FANCD2: variants seen among roughly 807,000 people sequenced by gnomAD.
FANCD2 encodes the protein Fanconi anemia group D2 protein.
A neutral mutation model predicts 192.3 loss-of-function variants in FANCD2; 131 were observed. That is an observed-to-expected ratio of 0.68 (90% confidence interval 0.59 to 0.79). FANCD2 has a LOEUF of 0.79. FANCD2 is among the 30% of genes least tolerant of loss of function. The probability of loss-of-function intolerance (pLI) is 0.00; values close to 1 mark genes in which losing one functional copy is unlikely to be tolerated. For missense variants in FANCD2, 1,508 were observed against 1,701.6 expected, an observed-to-expected ratio of 0.89 and a Z score of 2.00; for synonymous variants, 524 against 612.5, an observed-to-expected ratio of 0.86 and a Z score of 2.13.
At position 10,062,182 on chromosome 3, in the gene FANCD2, G is replaced by A. The variant is rs746069930; in HGVS notation, c.1798G>A (p.Ala600Thr). ...SESPSLTQER[A>T]NLSDEQCTQV... ...ATCACCTAGTTTGACCCAAGAGAGA[G>A]CCAACCTGAGCGATGAGCAGTGCAC... Residue 600 changes from alanine to threonine, a missense_variant, in exon 20 of 44, where the codon GCC (alanine) becomes ACC (threonine). By Grantham distance (58) the Ala-to-Thr change is moderately conservative. Transcript: ENST00000675286. 1 of 1,612,774 alleles carries A rather than the reference G, an allele frequency of 6.2e-7. No individual in the cohort carries two copies. The highest frequency in any genetic ancestry group is 8.5e-7 in the Non-Finnish European group (1 of 1,179,612).
chr3:10,035,998 T>C (rs942139872), intron 6 of FANCD2, among the ~76,000 whole-genome samples: 3 of 152,146 alleles, frequency 2.0e-5, no homozygotes, highest in Non-Finnish European at 2.9e-5. Context: ...AATGAAGACA[T>C]ATTCGTGTGG....
chr3:10,080,139 T>TCTTGACCTCATGATCC (rs1399096837), intron 30 of FANCD2, among the ~76,000 whole-genome samples: 3 of 152,104 alleles, frequency 2.0e-5, no homozygotes, highest in Non-Finnish European at 2.9e-5. Context: ...TGTCTTGATC[T>TCTTGACCTCATGATCC]CTTGACCTCA....
chr3:10,047,101 G>A (rs2125001533), intron 15 of FANCD2, among the ~76,000 whole-genome samples: 1 of 152,418 alleles, frequency 6.6e-6, no homozygotes, highest in East Asian at 1.9e-4. Flanking sequence ...TGTTTTGCCA[G>A]CTGAACGTTC....
At chr3:10,043,949 T>C in intron 14 of FANCD2, 85 bp downstream of exon 14, 1 of 1,137,210 alleles carries the variant, frequency 8.8e-7, no homozygotes, top group South Asian at 1.3e-5. Context: ...TGTCTTTCTT[T>C]CTCCCCCCTC....
chr3:10,092,030 C>T (rs542712397), intron 37 of FANCD2, 151 bp from the exon 38 acceptor site: 12 of 770,146 alleles, frequency 1.6e-5, no homozygotes, highest in South Asian at 1.2e-4. Flanking sequence ...GCCTCAGAAC[C>T]ATCTTGTGGA....
At chr3:10,043,385 G>C in intron 12 of FANCD2, 99 bp from the exon 13 acceptor site, 1 of 951,006 alleles carries the variant, frequency 1.1e-6, no homozygotes, top group Non-Finnish European at 1.7e-6. Context: ...TTATACATGA[G>C]GTTGTCATTT....
chr3:10,042,891 A>G (rs1254142763), intron 11 of FANCD2, among the ~76,000 whole-genome samples, 159 bp from the exon 12 acceptor site: 2 of 152,218 alleles, frequency 1.3e-5, no homozygotes, highest in Non-Finnish European at 2.9e-5. Context: ...GTTCTATGAC[A>G]TTGCATTGGC....
intron 41 of FANCD2, 83 bp downstream of exon 41, chr3:10,095,357 CCTT>C: frequency 2.7e-6 from 3 of 1,091,272 alleles, no homozygotes; most frequent in Non-Finnish European, 4.2e-6. Flanking sequence ...GGGCTACCAT[CCTT>C]CTTCCTTTAT....
chr3:10,054,961 C>T (rs1160973240), intron 18 of FANCD2, among the ~76,000 whole-genome samples: 4 of 151,940 alleles, frequency 2.6e-5, no homozygotes, highest in African/African-American at 4.8e-5. Flanking sequence ...TCTGTAGGCA[C>T]CTGGTTTGTC....
Position 10,065,923 on chromosome 3 carries a change from A to C in FANCD2, c.2329A>C (p.Lys777Gln). ...PGEKLESMSAKERSFMCSLIF... is the reference protein window; with the variant it reads ...PGEKLESMSAQERSFMCSLIF... ...AGAGAAGTTGGAGTCCATGTCTGCT[A>C]AAGAGCGTTCATTCATGTGTTCTCT... The change falls in exon 25 of 44, where the codon AAA becomes CAA. Residue 777 changes from lysine (K) to glutamine (Q), a missense_variant. Lys to Gln is a moderately conservative substitution (Grantham distance 53). Around this residue, in one of 5 missense-constraint regions of FANCD2, gnomAD observed 796 missense variants for 879.4 expected, o/e 0.91. Coordinates refer to ENST00000675286, the MANE Select transcript of FANCD2 (RefSeq NM_001018115.3). 1 of 1,613,770 alleles carries C rather than the reference A, an allele frequency of 6.2e-7. No homozygotes were observed. The highest frequency in any genetic ancestry group is 8.5e-7 in the Non-Finnish European group (1 of 1,179,674).
At chr3:10,099,268 T>C in intron 43 of FANCD2, 1 of 1,279,162 alleles carries the variant, frequency 7.8e-7, no homozygotes, top group Non-Finnish European at 9.9e-7. Flanking sequence ...GAAATAAAAA[T>C]AGAAGTTCTT....
chr3:10,083,226 CAAAAA>C (rs949468343), intron 32 of FANCD2, among the ~76,000 whole-genome samples: 1 of 132,458 alleles, frequency 7.5e-6, no homozygotes, highest in South Asian at 2.3e-4. Context: ...GACCCCATCT[CAAAAA>C]AAAAAAAATC....
At chr3:10,036,554 G>T (rs2086735664) in intron 7 of FANCD2, among the ~76,000 whole-genome samples, 2 of 152,034 alleles carry the variant, frequency 1.3e-5, no homozygotes, top group South Asian at 4.2e-4. Context: ...GTAACTATTG[G>T]CCTGGTGCAG....
intron 7 of FANCD2, 66 bp from the exon 8 acceptor site, chr3:10,039,213 A>G (rs2086802723): frequency 1.1e-5 from 13 of 1,188,966 alleles, no homozygotes; most frequent in Middle Eastern, 1.9e-4. Context: ...TTTGTGCAGT[A>G]TTAATGCTTG....
At chr3:10,035,446 A>G (rs2086704631) in intron 6 of FANCD2, among the ~76,000 whole-genome samples, 1 of 152,112 alleles carries the variant, frequency 6.6e-6, no homozygotes, top group African/African-American at 2.4e-5. Context: ...TGGCGGCCCC[A>G]TTTATTCTCT....
At chr3:10,099,357 T>G in intron 43 of FANCD2, 1 of 1,180,912 alleles carries the variant, frequency 8.5e-7, no homozygotes, top group Non-Finnish European at 1.1e-6. Flanking sequence ...GCGCAGTGGC[T>G]CATGCTTGTA....
In FANCD2 at chr3:10,039,714, A is replaced by G; in HGVS notation, c.571-7A>G. On this transcript the variant is annotated splice_region_variant and splice_polypyrimidine_tract_variant and intron_variant, in intron 8 of 43. Coordinates refer to ENST00000675286, the MANE Select transcript of FANCD2 (RefSeq NM_001018115.3). ...TGCTGCAGTTCTAATAGTGTCTTCT[A>G]CTGCAGGACCTCACCACCAAGATCA... 6.2e-7 allele frequency: 1 copy of G among 1,614,018 alleles called. No individual in the cohort carries two copies. The highest frequency in any genetic ancestry group is 8.5e-7 in the Non-Finnish European group (1 of 1,179,992).
chr3:10,055,816 A>G (rs1179920446), intron 18 of FANCD2, among the ~76,000 whole-genome samples: 1 of 151,928 alleles, frequency 6.6e-6, no homozygotes, highest in Non-Finnish European at 1.5e-5. Context: ...TGTCTCAAAA[A>G]AAAAATAATA....
rs530643220 is a variant in FANCD2 at position 10,101,592 on chromosome 3, G to T, written c.*330G>T. On this transcript the variant is annotated 3_prime_UTR_variant, in exon 44 of 44. Transcript: ENST00000675286. ...GTAGATACGGGGTTTTACCATGTCG[G>T]CCAGATGGTCTCAATCTCCTGAACT... 2.7e-6 allele frequency: 1 copy of T among 373,204 alleles called. No individual in the cohort carries two copies. Among genetic ancestry groups the T allele is most frequent in the Non-Finnish European group, 5.1e-6 (1 of 197,876 alleles). The allele number at this position is 373,204 out of a possible 1,614,324, so 23.1% of individuals were successfully genotyped here.
Sources: gnomAD v4.1 joint callset for allele counts (sites outside exome capture counted in the v4.1 genomes callset) on GRCh38, gnomAD v4.1.1 for gene constraint, gnomAD v4.1.1 regional missense constraint, MANE v1.5 for transcripts, NCBI Gene and HGNC (gene_info 2026-07-23, HGNC 2026-07-21) for gene names.